TRAF3IP1: variants seen among roughly 807,000 people sequenced by gnomAD.
TRAF3IP1 encodes the protein TRAF3-interacting protein 1.
A neutral mutation model predicts 89.9 loss-of-function variants in TRAF3IP1; 53 were observed. The ratio of observed to expected loss-of-function variants is 0.59; its 90% CI spans 0.47 to 0.74. The LOEUF is 0.74. Ranked by LOEUF, TRAF3IP1 falls within the 30% of genes least tolerant of loss-of-function variation. TRAF3IP1 has a pLI of 0.00. For synonymous variants in TRAF3IP1, 311 were observed against 322.1 expected, an observed-to-expected ratio of 0.97 and a Z score of 0.37; for missense variants, 806 against 866.1, an observed-to-expected ratio of 0.93 and a Z score of 0.87.
At chr2:238,365,368 G>T (rs1195664064) in intron 15 of TRAF3IP1, among the ~76,000 whole-genome samples, 3 of 152,134 alleles carry the variant, frequency 2.0e-5, no homozygotes, top group African/African-American at 7.2e-5. Flanking sequence ...TGTTGTTAAA[G>T]AAATAAAAAT....
rs1489423074 is a variant in TRAF3IP1, at chr2:238,351,336, A to G, written c.1452-1491A>G. ...CATGGGTTGGCAGCTGATGGCAGCA[A>G]TGATGGGGTCGAGGGTGACAAGATT... On this transcript the variant is annotated intron_variant, in intron 12 of 16. Coordinates refer to ENST00000373327, the MANE Select transcript of TRAF3IP1 (RefSeq NM_015650.4). This position sits in a 1 kb window ranked among gnomAD's most constrained non-coding sequence, Gnocchi z 5.2. Among the ~76,000 whole-genome samples, 3 of 151,974 alleles carry G rather than the reference A, an allele frequency of 2.0e-5. No individual in the cohort carries two copies. Among genetic ancestry groups the G allele is most frequent in the Non-Finnish European group, 1.5e-5 (1 of 67,968 alleles).
At chr2:238,332,773 T>C in intron 5 of TRAF3IP1, 51 bp from the exon 6 acceptor site, 6 of 1,332,810 alleles carry the variant, frequency 4.5e-6, no homozygotes, top group Non-Finnish European at 6.4e-6. Flanking sequence ...TATTTTTAGA[T>C]ATTATGGATT....
At chr2:238,369,551 T>C (rs1700019193) in intron 15 of TRAF3IP1, among the ~76,000 whole-genome samples, 1 of 151,762 alleles carries the variant, frequency 6.6e-6, no homozygotes, top group African/African-American at 2.4e-5. Flanking sequence ...CCGGTTTGGG[T>C]TTGTGTGGTG....
chr2:238,366,672 G>A (rs1040988952), intron 15 of TRAF3IP1, among the ~76,000 whole-genome samples: 27 of 151,980 alleles, frequency 1.8e-4, no homozygotes, highest in African/African-American at 6.5e-4. Context: ...GGCCTGATAG[G>A]TTATTTCTGG....
intron 15 of TRAF3IP1, among the ~76,000 whole-genome samples, chr2:238,393,510 C>G (rs1248898937): frequency 6.6e-6 from 1 of 152,156 alleles, no homozygotes; most frequent in African/African-American, 2.4e-5. Context: ...CAGGGTCTTT[C>G]GCAGAGCAAA....
intron 3 of TRAF3IP1, 115 bp from the exon 4 acceptor site, chr2:238,328,571 C>G: frequency 8.0e-7 from 1 of 1,247,876 alleles, no homozygotes; most frequent in Non-Finnish European, 1.1e-6. Context: ...CTTTGAATTT[C>G]ATTGTAGACA....
chr2:238,353,156 C>A lies in TRAF3IP1; in HGVS notation c.1576-17C>A. 6.2e-7 allele frequency: 1 copy of A among 1,614,074 alleles called. No homozygotes were observed. Among genetic ancestry groups the A allele is most frequent in the Non-Finnish European group, 8.5e-7 (1 of 1,179,972 alleles). On this transcript the variant is annotated splice_polypyrimidine_tract_variant and intron_variant, in intron 13 of 16. Coordinates refer to ENST00000373327, the MANE Select transcript of TRAF3IP1 (RefSeq NM_015650.4). The stretch of plus-strand genomic sequence containing the variant: ...ACAAGCCTGAATCTTCTTTTTCCCC[C>A]TTCCTTTCCTGCTCAGGTAACAGCA...
Position 238,354,744 on chromosome 2 carries a change from G to A in TRAF3IP1, c.1613-1260G>A, listed in dbSNP as rs368759236. On this transcript the variant is annotated intron_variant, in intron 14 of 16. Coordinates refer to ENST00000373327, the MANE Select transcript of TRAF3IP1 (RefSeq NM_015650.4). ...TGGCTCACTGCAACCTCTGCCTCCC[G>A]GGGTCAAAAGATTCTCCTGCCTCAG... Among the ~76,000 whole-genome samples, 6 of 152,040 alleles carry A rather than the reference G, an allele frequency of 3.9e-5. No individual in the cohort carries two copies. The East Asian group carries it at 9.6e-4, about 24-fold the overall frequency.
At chr2:238,368,332 G>C (rs1301352706) in intron 15 of TRAF3IP1, among the ~76,000 whole-genome samples, 2 of 152,152 alleles carry the variant, frequency 1.3e-5, no homozygotes, top group Non-Finnish European at 2.9e-5. Context: ...AAGATTCTTG[G>C]CATTAAAATG....
chr2:238,360,169 T>C (rs1699597417), intron 15 of TRAF3IP1, among the ~76,000 whole-genome samples: 1 of 152,222 alleles, frequency 6.6e-6, no homozygotes, highest in Admixed American at 6.5e-5. Context: ...AATTGAAAAC[T>C]TATGAATGAA....
chr2:238,325,732 G>C (rs1697792511), intron 2 of TRAF3IP1, 77 bp from the exon 3 acceptor site: 5 of 1,384,256 alleles, frequency 3.6e-6, no homozygotes, highest in Non-Finnish European at 5.0e-6. Flanking sequence ...ACTATCCTAT[G>C]CCTGGTAAAC....
chr2:238,396,310 A>T lies in TRAF3IP1; in HGVS notation c.1690-1149A>T, dbSNP rs538006461. Among the ~76,000 whole-genome samples, 4 of 144,926 alleles carry T rather than the reference A, an allele frequency of 2.8e-5. No homozygotes were observed. In the East Asian group the frequency reaches 8.3e-4, roughly 30 times the overall value. On this transcript the variant is annotated intron_variant, in intron 15 of 16. Transcript: ENST00000373327. ...AACCAAACACTGCATGTTCTCACTC[A>T]TAGGTGGGAATTGAACAATGAGAAC...
chr2:238,361,383 AT>A (rs1201968382), intron 15 of TRAF3IP1, among the ~76,000 whole-genome samples: 2 of 151,486 alleles, frequency 1.3e-5, no homozygotes, highest in Admixed American at 6.6e-5. Flanking sequence ...TACATTATTT[AT>A]TTTTTTTCTT....
At chr2:238,333,408 C>A (rs1243335564) in intron 6 of TRAF3IP1, among the ~76,000 whole-genome samples, 2 of 152,028 alleles carry the variant, frequency 1.3e-5, no homozygotes, top group Admixed American at 6.5e-5. Flanking sequence ...GAGGTTGAAG[C>A]CAACTTTCGT....
In TRAF3IP1 at chr2:238,356,077, G is replaced by A; in HGVS notation, c.1686G>A (p.Glu562=). 6.2e-7 allele frequency: 1 copy of A among 1,611,876 alleles called. No homozygotes were observed. Among genetic ancestry groups the A allele is most frequent in the Non-Finnish European group, 8.5e-7 (1 of 1,178,136 alleles). ...EKLQQSPKPG[E]KERSLFESAW... ...TGCAGCAGTCACCCAAACCTGGGGA[G>A]AAGGTAATGGAATGATTTCCATAAA... Residue 562 remains glutamate, a synonymous_variant, in exon 15 of 17, where the codon GAG becomes GAA. Transcript: ENST00000373327.
chr2:238,337,568 G>C (rs1455364555), intron 7 of TRAF3IP1, among the ~76,000 whole-genome samples: 4 of 152,258 alleles, frequency 2.6e-5, no homozygotes, highest in Non-Finnish European at 2.9e-5. Context: ...AGGAGTAAAG[G>C]CTGCAGCGCA....
At chr2:238,370,970 G>A (rs1462184308) in intron 15 of TRAF3IP1, among the ~76,000 whole-genome samples, 1 of 152,176 alleles carries the variant, frequency 6.6e-6, no homozygotes, top group Non-Finnish European at 1.5e-5. Context: ...AGCCCATCAC[G>A]AGGCCTCTGA....
chr2:238,395,781 C>A (rs1164913413), intron 15 of TRAF3IP1, among the ~76,000 whole-genome samples: 4 of 152,140 alleles, frequency 2.6e-5, no homozygotes, highest in Non-Finnish European at 4.4e-5. Context: ...TGAAAAAATG[C>A]TTATCATCAC....
rs943278076 is a variant in TRAF3IP1, at chr2:238,351,656, C to T, written c.1452-1171C>T. 2.0e-5 allele frequency among the ~76,000 whole-genome samples: 3 copies of T among 152,054 alleles called. No individual in the cohort carries two copies. Among genetic ancestry groups the T allele is most frequent in the South Asian group, 2.1e-4 (1 of 4,820 alleles). ...GGACTTCCTGGTACTGACAGAGCAG[C>T]GGGTTCGAAGTGAGGTTGGTCCTGG... On this transcript the variant is annotated intron_variant, in intron 12 of 16. Transcript: ENST00000373327. This position sits in a 1 kb window ranked among gnomAD's most constrained non-coding sequence, Gnocchi z 5.2.
Sources: allele counts gnomAD v4.1 joint callset (sites outside exome capture counted in the v4.1 genomes callset), GRCh38; gene constraint gnomAD v4.1.1; non-coding constraint Gnocchi (gnomAD v3.1); transcripts MANE v1.5; gene names NCBI Gene and HGNC (gene_info 2026-07-23, HGNC 2026-07-21).